SETD1B: variants seen among roughly 807,000 people sequenced by gnomAD.
SETD1B encodes the protein SET domain containing 1B, histone lysine methyltransferase.
SETD1B carries 7 observed loss-of-function variants against 148.0 expected under a neutral mutation model. That is an observed-to-expected ratio of 0.05 (90% CI 0.03 to 0.09). The LOEUF (loss-of-function observed/expected upper bound fraction) is 0.09, where lower values mean the gene tolerates loss of function less well. Among genes scored for constraint, SETD1B ranks in the 10% least tolerant of loss-of-function variants. The pLI, the probability that SETD1B is intolerant of heterozygous loss-of-function variation, is 1.00. For synonymous variants in SETD1B, 1,361 were observed against 1,186.5 expected (o/e 1.15, Z -3.02); for missense variants, 2,155 against 2,729.9 (o/e 0.79, Z 4.69).
chr12:121,802,938 T>G (rs1182800113), upstream of SETD1B: 1 of 152,276 alleles, frequency 6.6e-6, no homozygotes, highest in South Asian at 2.1e-4. Context: ...CTCTCCTTCG[T>G]GTCTGATGAA....
upstream of SETD1B, chr12:121,800,192 G>A (rs939398482): frequency 2.6e-5 from 4 of 152,124 alleles, no homozygotes; most frequent in African/African-American, 9.7e-5. Flanking sequence ...GGAAGGGCCG[G>A]AGATCTGAGG....
Position 121,819,904 on chromosome 12 carries a change from T to C in SETD1B, c.3910+9T>C. 2 of 1,546,728 alleles carry C rather than the reference T, an allele frequency of 1.3e-6. No homozygotes were observed. Among genetic ancestry groups the C allele is most frequent in the Non-Finnish European group, 1.7e-6 (2 of 1,145,034 alleles). ...CCCTGAGCGAGCTCCAGGTAACACC[T>C]GCAACCCCCTGGGAGGGTGGTGGGA... On this transcript the variant is annotated intron_variant, in intron 11 of 16. Coordinates refer to ENST00000604567, the MANE Select transcript of SETD1B (RefSeq NM_001353345.2).
Position 121,817,077 on chromosome 12 carries a change from C to T in SETD1B, c.2760C>T (p.Asp920=), listed in dbSNP as rs375276520. The stretch of plus-strand genomic sequence containing the variant: ...AGTCGGGCGAGCACAAGGACGAGGA[C>T]AGGCCGAAGCCCAAGGACCGCATCG... ...PVKSGEHKDE[D]RPKPKDRIAS... is the part of the protein sequence containing the mutation. The change falls in exon 8 of 17, where the codon GAC becomes GAT. Residue 920 remains aspartate, a synonymous_variant. Coordinates refer to ENST00000604567, the MANE Select transcript of SETD1B (RefSeq NM_001353345.2). This position sits in a 1 kb window ranked among gnomAD's most constrained non-coding sequence, Gnocchi z 8.1. 12 of 1,546,162 alleles carry T rather than the reference C, an allele frequency of 7.8e-6. No individual in the cohort carries two copies. In the African/African-American group the frequency reaches 1.5e-4, roughly 19 times the overall value.
Position 121,831,388 on chromosome 12 carries a change from G to A in SETD1B, c.*1149G>A, listed in dbSNP as rs1406524203. ...AAAAGATTTAAAAACACAAATCTAA[G>A]CCTTGACGGTTTTTTTTTCCCTTTT... On this transcript the variant is annotated 3_prime_UTR_variant, in exon 17 of 17. Coordinates refer to ENST00000604567, the MANE Select transcript of SETD1B (RefSeq NM_001353345.2). 1 of 151,560 alleles carries A rather than the reference G, an allele frequency of 6.6e-6. No individual in the cohort carries two copies. The highest frequency in any genetic ancestry group is 2.4e-5 in the African/African-American group (1 of 41,262). 9.4% of individuals were successfully genotyped at this position (151,560 alleles called of 1,614,324 possible). A position where few individuals can be genotyped will look rare whatever the true frequency, so the allele number is the denominator to read the frequency against.
Position 121,817,523 on chromosome 12 carries a change from C to T in SETD1B, c.3131C>T (p.Ser1044Phe). The T allele has an allele frequency of 6.4e-7, 1 of 1,551,528 alleles. No homozygotes were observed. The highest frequency in any genetic ancestry group is 8.7e-7 in the Non-Finnish European group (1 of 1,146,966). Residue 1044 changes from serine to phenylalanine, a missense_variant, in exon 9 of 17, where the codon TCC becomes TTC. Transcript: ENST00000604567. This position sits in a 1 kb window ranked among gnomAD's most constrained non-coding sequence, Gnocchi z 8.1. ...GACGAGAAGGAGTCATTGTCGGCGTCCTCGTCCTCATCCGCGTCATCATCC... is the reference window on the plus strand; with the variant it reads ...GACGAGAAGGAGTCATTGTCGGCGTTCTCGTCCTCATCCGCGTCATCATCC... ...EEDEKESLSA[S>F]SSSSASSSSG...
At chr12:121,813,616 T>C (rs1876142694) in intron 6 of SETD1B, among the ~76,000 whole-genome samples, 1 of 152,202 alleles carries the variant, frequency 6.6e-6, no homozygotes, top group South Asian at 2.1e-4. Context: ...AGAAAGGCCC[T>C]GGCACATAAG....
chr12:121,798,521 C>T, the SETD1B span, among the ~76,000 whole-genome samples: 2 of 152,212 alleles, frequency 1.3e-5, no homozygotes, highest in Non-Finnish European at 2.9e-5. Flanking sequence ...TTAATCCTCC[C>T]ACCACCCTTT....
Position 121,817,858 on chromosome 12 carries a change from A to G in SETD1B, c.3372A>G (p.Thr1124=), listed in dbSNP as rs928198489. Residue 1124 remains threonine, a synonymous_variant, in exon 10 of 17, where the codon ACA becomes ACG. Transcript: ENST00000604567. The surrounding 1 kb of genome is among the most constrained non-coding windows in gnomAD (Gnocchi z 8.1). ...AGTCTGAGAACGATGACGAGGACAC[A>G]GCCCTGTCAGAGGCGAGTGAGAAGG... ...RDESENDDED[T]ALSEASEKDE... 6.4e-7 allele frequency: 1 copy of G among 1,551,142 alleles called. No individual in the cohort carries two copies. Among genetic ancestry groups the G allele is most frequent in the Admixed American group, 2.0e-5 (1 of 50,914 alleles).
Position 121,823,347 on chromosome 12 carries a change from C to A in SETD1B, c.4768C>A (p.Pro1590Thr). ...PAPPPPLPPQ[P>T]PPPPPPPPVE... ...CCCTCCACCACCCCTTCCCCCCCAG[C>A]CACCCCCACCCCCACCTCCCCCACC... The change falls in exon 12 of 17, where the codon CCA becomes ACA. Residue 1590 changes from proline (P) to threonine (T), a missense_variant. By Grantham distance (38) the Pro-to-Thr change is conservative. This residue lies in a region of SETD1B where 862 missense variants were observed against 873.8 expected (regional missense o/e 0.99). Coordinates refer to ENST00000604567, the MANE Select transcript of SETD1B (RefSeq NM_001353345.2). 1 of 1,266,948 alleles carries A rather than the reference C, an allele frequency of 7.9e-7. No individual in the cohort carries two copies. Among genetic ancestry groups the A allele is most frequent in the Non-Finnish European group, 1.1e-6 (1 of 909,914 alleles). 78.5% of individuals were successfully genotyped at this position (1,266,948 alleles called of 1,614,324 possible).
At position 121,814,661 on chromosome 12, in the gene SETD1B, C is replaced by T; in HGVS notation, c.2446C>T (p.Pro816Ser). Residue 816 changes from proline (P) to serine (S), a missense_variant, in exon 7 of 17, where the codon CCC becomes TCC. Pro to Ser is a moderately conservative substitution (Grantham distance 74). Coordinates refer to ENST00000604567, the MANE Select transcript of SETD1B (RefSeq NM_001353345.2). ...TGGGCTCCAGTTTGTCAACCTGCCG[C>T]CCTACCGGGGCCCCTTCTCCCTGAG... ...SAGLQFVNLP[P>S]YRGPFSLSNS... 1 of 1,549,224 alleles carries T rather than the reference C, an allele frequency of 6.5e-7. No individual in the cohort carries two copies. The highest frequency in any genetic ancestry group is 8.7e-7 in the Non-Finnish European group (1 of 1,146,390).
rs527607402 is a variant in SETD1B at position 121,823,094 on chromosome 12, C to T, written c.4515C>T (p.Pro1505=). The T allele has an allele frequency of 1.2e-4, 179 of 1,513,780 alleles. No homozygotes were observed. Among genetic ancestry groups the T allele is most frequent in the Admixed American group, 4.2e-4 (20 of 47,882 alleles). 93.8% of individuals were successfully genotyped at this position (1,513,780 alleles called of 1,614,324 possible). A position where few individuals can be genotyped will look rare whatever the true frequency, so the allele number is the denominator to read the frequency against. Residue 1505 remains proline (P), a synonymous_variant, in exon 12 of 17, where the codon CCC becomes CCT. Transcript: ENST00000604567. ...CCACCCCGCTGCCACCCCTGCTGCC[C>T]GCCCCCCTGGCCTCTTGCCCTCCCC... ...RAPTPLPPLL[P]APLASCPPPM...
Position 121,817,448 on chromosome 12 carries a change from T to TGCG in SETD1B, c.3065_3067dup (p.Arg1022dup). 4 of 1,547,030 alleles carry TGCG rather than the reference T, an allele frequency of 2.6e-6. No homozygotes were observed. The African/African-American group carries it at 4.1e-5, about 16-fold the overall frequency. On this transcript the variant is annotated inframe_insertion, in exon 9 of 17. Transcript: ENST00000604567. This position sits in a 1 kb window ranked among gnomAD's most constrained non-coding sequence, Gnocchi z 8.1. Reference sequence around the variant, plus strand: ...AAGCGGGACCCCAAGGGCGTGGGTGTGCGGCGGCGGCCGGCGCGGCCTCTG... The same window carrying TGCG: ...AAGCGGGACCCCAAGGGCGTGGGTGTGCGGCGGCGGCGGCCGGCGCGGCCTCTG...
Position 121,819,810 on chromosome 12 carries a change from C to T in SETD1B, c.3825C>T (p.Ser1275=). The T allele has an allele frequency of 6.4e-7, 1 of 1,551,516 alleles. No individual in the cohort carries two copies. The highest frequency in any genetic ancestry group is 8.7e-7 in the Non-Finnish European group (1 of 1,146,934). The change falls in exon 11 of 17, where the codon AGC becomes AGT. Residue 1275 remains serine, a synonymous_variant. Transcript: ENST00000604567. ...AGCCGCCTGAGGAACCAGGCCTGAG[C>T]CAGGAAGGGGCCATGTTGCTGTCTC... ...SREPPEEPGL[S]QEGAMLLSPE...
intron 6 of SETD1B, among the ~76,000 whole-genome samples, chr12:121,812,645 C>CA (rs1164957717): frequency 8.5e-5 from 13 of 152,082 alleles, no homozygotes; most frequent in Admixed American, 8.5e-4. Context: ...TGTGCCGCGG[C>CA]GCGCTGTGCT....
At position 121,817,682 on chromosome 12, in the gene SETD1B, C is replaced by T; in HGVS notation, c.3290C>T (p.Ser1097Leu). 1 of 1,549,176 alleles carries T rather than the reference C, an allele frequency of 6.5e-7. No individual in the cohort carries two copies. The highest frequency in any genetic ancestry group is 8.7e-7 in the Non-Finnish European group (1 of 1,145,436). ...EVPRSQLSSS[S>L]TSSTSDKDDD... The stretch of plus-strand genomic sequence containing the variant: ...CCCAGGAGCCAGCTCTCCTCCTCCT[C>T]AACCTCATCCACATCAGATAAGGTG... Residue 1097 changes from serine to leucine, a missense_variant, in exon 9 of 17, where the codon TCA (serine) becomes TTA (leucine). Ser to Leu is a moderately radical substitution (Grantham distance 145). Coordinates refer to ENST00000604567, the MANE Select transcript of SETD1B (RefSeq NM_001353345.2). This position sits in a 1 kb window ranked among gnomAD's most constrained non-coding sequence, Gnocchi z 8.1.
chr12:121,794,975 GA>G, the SETD1B span, among the ~76,000 whole-genome samples: 1 of 152,188 alleles, frequency 6.6e-6, no homozygotes, highest in African/African-American at 2.4e-5. Context: ...ACCCCACCCC[GA>G]AGACTCCCAG....
chr12:121,803,707 C>A (rs568207760), upstream of SETD1B: 1 of 152,120 alleles, frequency 6.6e-6, no homozygotes, highest in African/African-American at 2.4e-5. This position sits in a 1 kb window ranked among gnomAD's most constrained non-coding sequence, Gnocchi z 4.7. Flanking sequence ...GGTCGCGGCT[C>A]TGAGGGTAGT....
chr12:121,799,045 G>A (rs1875163257), upstream of SETD1B: 1 of 152,232 alleles, frequency 6.6e-6, no homozygotes, highest in Admixed American at 6.5e-5. Context: ...TGTTAGAAAT[G>A]CCAGTCCTAA....
intron 7 of SETD1B, among the ~76,000 whole-genome samples, chr12:121,815,271 T>C (rs1187823528): frequency 6.6e-6 from 1 of 152,242 alleles, no homozygotes; most frequent in East Asian, 1.9e-4. Flanking sequence ...TAAAAATAAA[T>C]GTGCAAATTA....
Sources: allele counts gnomAD v4.1 joint callset (sites outside exome capture counted in the v4.1 genomes callset), GRCh38; gene constraint gnomAD v4.1.1; regional missense constraint gnomAD v4.1.1; non-coding constraint Gnocchi (gnomAD v3.1); transcripts MANE v1.5; gene names NCBI Gene and HGNC (gene_info 2026-07-23, HGNC 2026-07-21).